Variants in CLCA2 observed in about 807,000 individuals in gnomAD.
The protein encoded by CLCA2 is chloride channel accessory 2.
A neutral mutation model predicts 82.9 loss-of-function variants in CLCA2; 85 were observed. That is an observed-to-expected ratio of 1.03 (90% CI 0.86 to 1.23). The LOEUF (loss-of-function observed/expected upper bound fraction) is 1.23. Among genes scored for constraint, CLCA2 ranks in the 50% most tolerant of loss-of-function variants. The pLI is 0.00. For synonymous variants in CLCA2, 421 were observed against 391.7 expected, an observed-to-expected ratio of 1.07 and a Z score of -0.88; for missense variants, 1,089 against 1,124.8, an observed-to-expected ratio of 0.97 and a Z score of 0.45.
chr1:86,428,591 T>C, intron 3 of CLCA2, 23 bp downstream of exon 3: 1 of 1,608,470 alleles, frequency 6.2e-7, no homozygotes, highest in Non-Finnish European at 8.5e-7. Flanking sequence ...AATAAAACAA[T>C]AGCCATTGGA....
In CLCA2 at chr1:86,432,545, A is replaced by T. The variant is rs770952179; in HGVS notation, c.744+17A>T. The T allele has an allele frequency of 6.2e-7, 1 of 1,610,910 alleles. No individual in the cohort carries two copies. The highest frequency in any genetic ancestry group is 2.2e-5 in the East Asian group (1 of 44,830). ...TTATCTTCTGTAAGTATGCCCTTGG[A>T]ATGACACACTCTTGCAGGATTCCTT... is the stretch of plus-strand genomic sequence containing the variant. On this transcript the variant is annotated intron_variant, in intron 5 of 13. Coordinates refer to ENST00000370565, the MANE Select transcript of CLCA2 (RefSeq NM_006536.7).
At chr1:86,434,870 C>A in intron 6 of CLCA2, 125 bp downstream of exon 6, 1 of 759,098 alleles carries the variant, frequency 1.3e-6, no homozygotes, top group Non-Finnish European at 2.2e-6. Context: ...CACAGGTAGA[C>A]ATGTGCCATA....
chr1:86,453,699 T>C (rs1663020178), intron 13 of CLCA2, 97 bp downstream of exon 13: 3 of 1,077,098 alleles, frequency 2.8e-6, no homozygotes, highest in Non-Finnish European at 4.0e-6. Context: ...CAGAGGATTG[T>C]TGTGAAAAGC....
At chr1:86,442,470 C>G (rs897511894) in intron 9 of CLCA2, among the ~76,000 whole-genome samples, 2 of 152,176 alleles carry the variant, frequency 1.3e-5, no homozygotes, top group African/African-American at 4.8e-5. Flanking sequence ...AACTTGCCCC[C>G]CTCCCGACAA....
chr1:86,432,464 C>A lies in CLCA2; in HGVS notation c.680C>A (p.Thr227Asn). The A allele has an allele frequency of 6.2e-7, 1 of 1,613,962 alleles. No individual in the cohort carries two copies. Residue 227 changes from threonine (T) to asparagine (N), a missense_variant, in exon 5 of 14, where the codon ACC (threonine) becomes AAC (asparagine). Coordinates refer to ENST00000370565, the MANE Select transcript of CLCA2 (RefSeq NM_006536.7). ...AGTAAGCTTTTTAAAGAAGGATGCA[C>A]CTTTATCTACAATAGCACCCAAAAT... ...IISKLFKEGC[T>N]FIYNSTQNAT...
chr1:86,434,404 T>C, intron 5 of CLCA2, 114 bp from the exon 6 acceptor site: 1 of 796,780 alleles, frequency 1.3e-6, no homozygotes. Flanking sequence ...GTACCACTTT[T>C]GATTTCTTTT....
Position 86,450,603 on chromosome 1 carries a change from T to G in CLCA2, c.2025T>G (p.Tyr675Ter). Reference protein sequence around the residue: ...VIKNDGIYSRYFFSFAANGRY... With the variant: ...VIKNDGIYSR Reference sequence around the variant, plus strand: ...AAAATGATGGAATTTACTCGAGGTATTTTTTCTCCTTTGCTGCAAATGGTA... The same window carrying G: ...AAAATGATGGAATTTACTCGAGGTAGTTTTTCTCCTTTGCTGCAAATGGTA... The change falls in exon 12 of 14, where the codon TAT (tyrosine) becomes TAG (stop). Residue 675 changes from tyrosine (Y) to a stop codon, truncating the protein, a stop_gained. Coordinates refer to ENST00000370565, the MANE Select transcript of CLCA2 (RefSeq NM_006536.7). LOFTEE classifies it high-confidence loss of function. 1 of 1,613,036 alleles carries G rather than the reference T, an allele frequency of 6.2e-7. No individual in the cohort carries two copies. The highest frequency in any genetic ancestry group is 8.5e-7 in the Non-Finnish European group (1 of 1,179,396).
chr1:86,448,130 C>T (rs970286033), intron 11 of CLCA2: 8 of 212,884 alleles, frequency 3.8e-5, no homozygotes, highest in Non-Finnish European at 6.6e-5. Flanking sequence ...TTATTATTCA[C>T]TGAAGTAATC....
chr1:86,439,183 G>A, intron 7 of CLCA2, 77 bp downstream of exon 7: 2 of 1,351,672 alleles, frequency 1.5e-6, no homozygotes, highest in South Asian at 2.5e-5. Context: ...TTCCTCTGAT[G>A]ATGGGCAGTT....
intron 3 of CLCA2, among the ~76,000 whole-genome samples, chr1:86,429,453 A>C (rs1662450574): frequency 6.6e-6 from 1 of 152,156 alleles, no homozygotes; most frequent in Admixed American, 6.5e-5. Context: ...ACATGGAAAA[A>C]ACCAGCTTCA....
In CLCA2 at chr1:86,424,323, C is replaced by T. The variant is rs1259219024; in HGVS notation, c.76C>T (p.Leu26Phe). ...TCTCCTGGTTGCCTTAAGTTCAGAA[C>T]TCCCATTCCTGGGAGCTGGAGTACA... ...VTLLVALSSELPFLGAGVQLQ... is the reference protein window; with the variant it reads ...VTLLVALSSEFPFLGAGVQLQ... Residue 26 changes from leucine (L) to phenylalanine (F), a missense_variant, in exon 1 of 14, where the codon CTC becomes TTC. By Grantham distance (22) the Leu-to-Phe change is conservative (BLOSUM62 0). Transcript: ENST00000370565. 4 of 1,613,942 alleles carry T rather than the reference C, an allele frequency of 2.5e-6. No homozygotes were observed. The highest frequency in any genetic ancestry group is 1.3e-5 in the African/African-American group (1 of 75,010).
intron 10 of CLCA2, among the ~76,000 whole-genome samples, chr1:86,446,216 CT>C (rs3086658): frequency 0.2 from 21,525 of 108,272 alleles, 1,454 homozygotes; most frequent in Middle Eastern, 0.26. Context: ...GCTGTGGGAA[CT>C]TTTTTTTTTT....
intron 11 of CLCA2, 21 bp from the exon 12 acceptor site, chr1:86,450,542 C>T (rs1190634460): frequency 1.3e-6 from 2 of 1,584,982 alleles, no homozygotes; most frequent in South Asian, 2.3e-5. Context: ...AGTGTTGACA[C>T]TGTGTTTTTT....
chr1:86,447,550 C>G lies in CLCA2; in HGVS notation c.1756C>G (p.Leu586Val), dbSNP rs1662877169. The G allele has an allele frequency of 3.1e-6, 5 of 1,614,162 alleles. No individual in the cohort carries two copies. The highest frequency in any genetic ancestry group is 4.2e-6 in the Non-Finnish European group (5 of 1,180,008). The change falls in exon 11 of 14, where the codon CTG becomes GTG. Residue 586 changes from leucine (L) to valine (V), a missense_variant. Transcript: ENST00000370565. Reference sequence around the variant, plus strand: ...CACCCTGAACAATACCCATCATTCTCTGCAAGCCCTGAAAGTGACAGTGAC... The same window carrying G: ...CACCCTGAACAATACCCATCATTCTGTGCAAGCCCTGAAAGTGACAGTGAC... Reference protein sequence around the residue: ...TYTLNNTHHSLQALKVTVTSR... With the variant: ...TYTLNNTHHSVQALKVTVTSR...
intron 6 of CLCA2, 67 bp downstream of exon 6, chr1:86,434,812 ATTTAT>A: frequency 7.8e-7 from 1 of 1,282,696 alleles, no homozygotes; most frequent in Non-Finnish European, 1.1e-6. Flanking sequence ...TATTATCTCA[ATTTAT>A]TTTAAGTTCT....
intron 10 of CLCA2, among the ~76,000 whole-genome samples, chr1:86,447,123 A>C (rs1309999025): frequency 6.6e-6 from 1 of 152,210 alleles, no homozygotes; most frequent in Non-Finnish European, 1.5e-5. Context: ...CTCAGTTATG[A>C]AAAGAAATGA....
At chr1:86,440,117 T>C in intron 7 of CLCA2, 31 bp from the exon 8 acceptor site, 1 of 1,605,298 alleles carries the variant, frequency 6.2e-7, no homozygotes, top group South Asian at 1.1e-5. Context: ...GAACTACACT[T>C]CCTTCCAAGT....
intron 10 of CLCA2, 59 bp downstream of exon 10, chr1:86,444,070 T>C: frequency 9.1e-7 from 1 of 1,102,650 alleles, no homozygotes; most frequent in Non-Finnish European, 1.4e-6. Context: ...GATTTTCAGC[T>C]GAATCACATG....
At chr1:86,434,119 C>T (rs1386410501) in intron 5 of CLCA2, among the ~76,000 whole-genome samples, 2 of 152,064 alleles carry the variant, frequency 1.3e-5, no homozygotes, top group African/African-American at 4.8e-5. Flanking sequence ...GTGCAGTGGT[C>T]ATTAAATATT....
Sources: allele counts gnomAD v4.1 joint callset (sites outside exome capture counted in the v4.1 genomes callset), GRCh38; gene constraint gnomAD v4.1.1; transcripts MANE v1.5; gene names NCBI Gene and HGNC (gene_info 2026-07-23, HGNC 2026-07-21).